Variants in SEZ6L observed in about 807,000 individuals in gnomAD.
SEZ6L encodes seizure related 6 homolog like.
In SEZ6L, 37 loss-of-function variants were observed where a neutral mutation model predicts 106.2. That is an observed-to-expected ratio of 0.35 (90% CI 0.27 to 0.46). The LOEUF (loss-of-function observed/expected upper bound fraction) is 0.46. Among genes scored for constraint, SEZ6L ranks in the 20% least tolerant of loss-of-function variants. The probability of loss-of-function intolerance (pLI) is 1.00; values close to 1 mark genes in which losing one functional copy is unlikely to be tolerated. For missense variants in SEZ6L, 1,172 were observed against 1,332.8 expected, an observed-to-expected ratio of 0.88 and a Z score of 1.88; for synonymous variants, 541 against 570.4, an observed-to-expected ratio of 0.95 and a Z score of 0.73.
In SEZ6L at chr22:26,365,480, A is replaced by G. The variant is rs1453739404; in HGVS notation, c.2708A>G (p.Glu903Gly). 6.2e-7 allele frequency: 1 copy of G among 1,614,066 alleles called. No homozygotes were observed. Among genetic ancestry groups the G allele is most frequent in the African/African-American group, 1.3e-5 (1 of 74,926 alleles). Residue 903 changes from glutamate to glycine, a missense_variant, in exon 13 of 17, where the codon GAA becomes GGA. Transcript: ENST00000248933. ...GAGTCCCTCACCTTCATGTGCTACGAAGGCTTTGAGCTCATGGGTGAAGTG... is the reference window on the plus strand; with the variant it reads ...GAGTCCCTCACCTTCATGTGCTACGGAGGCTTTGAGCTCATGGGTGAAGTG... ...PGESLTFMCY[E>G]GFELMGEVTI...
rs1489628962 is a variant in SEZ6L at position 26,230,366 on chromosome 22, A to G, written c.94+60603A>G. 7.2e-5 allele frequency among the ~76,000 whole-genome samples: 11 copies of G among 152,016 alleles called. No homozygotes were observed. In the South Asian group the frequency reaches 1.5e-3, roughly 20 times the overall value. On this transcript the variant is annotated intron_variant, in intron 1 of 16. Coordinates refer to ENST00000248933, the MANE Select transcript of SEZ6L (RefSeq NM_021115.5). The stretch of plus-strand genomic sequence containing the variant: ...TTTCTCCTCCATGCAGCCTGCCTTG[A>G]CTGCACTGTCTCTCTCGTGCTTTGG...
intron 14 of SEZ6L, among the ~76,000 whole-genome samples, chr22:26,374,815 C>T (rs1021434841): frequency 7.2e-5 from 11 of 152,188 alleles, no homozygotes; most frequent in East Asian, 3.8e-4. Context: ...CTGCCCCAGG[C>T]GCCTGCAGCA....
At chr22:26,234,654 C>A (rs530039187) in intron 1 of SEZ6L, among the ~76,000 whole-genome samples, 9 of 152,368 alleles carry the variant, frequency 5.9e-5, no homozygotes, top group African/African-American at 2.2e-4. Flanking sequence ...GGAAACCCAA[C>A]TGCTGGCTTG....
chr22:26,341,754 A>G (rs553746051), intron 10 of SEZ6L, among the ~76,000 whole-genome samples: 4 of 152,294 alleles, frequency 2.6e-5, no homozygotes, highest in African/African-American at 9.6e-5. Flanking sequence ...CTGGTTTCTC[A>G]GGCTGCTTCC....
At position 26,293,108 on chromosome 22, in the gene SEZ6L, T is replaced by A. The variant is rs368299217; in HGVS notation, c.797T>A (p.Ile266Asn). ...EESQETTTSTIITTTVITTEQ... is the reference protein window; with the variant it reads ...EESQETTTSTNITTTVITTEQ... ...AGCCAGGAGACCACTACCTCCACCA[T>A]TATCACCACCACGGTCATCACCACC... The change falls in exon 2 of 17, where the codon ATT becomes AAT. Residue 266 changes from isoleucine to asparagine, a missense_variant. Physicochemically the swap from Ile to Asn is moderately radical, Grantham distance 149. Coordinates refer to ENST00000248933, the MANE Select transcript of SEZ6L (RefSeq NM_021115.5). The A allele has an allele frequency of 6.3e-7, 1 of 1,596,738 alleles. No homozygotes were observed. The highest frequency in any genetic ancestry group is 8.5e-7 in the Non-Finnish European group (1 of 1,175,674).
At chr22:26,291,441 G>A (rs112955638) in intron 1 of SEZ6L, among the ~76,000 whole-genome samples, 35 of 103,420 alleles carry the variant, frequency 3.4e-4, no homozygotes, top group African/African-American at 1.8e-3. Context: ...GGCCTGTTGC[G>A]GGGTGGAGTT....
intron 1 of SEZ6L, among the ~76,000 whole-genome samples, chr22:26,261,698 A>G (rs9608476): frequency 0.13 from 19,337 of 152,268 alleles, 1,497 homozygotes; most frequent in Non-Finnish European, 0.18. Context: ...CCTACTAAGC[A>G]TAAAGTACAG....
Position 26,292,521 on chromosome 22 carries a change from C to T in SEZ6L, c.210C>T (p.Pro70=). 2 of 1,613,922 alleles carry T rather than the reference C, an allele frequency of 1.2e-6. No individual in the cohort carries two copies. The highest frequency in any genetic ancestry group is 1.7e-6 in the Non-Finnish European group (2 of 1,179,928). The part of the protein sequence containing the change: ...EHPEERVVTA[P]PSSSQSAEVL... ...CTGAAGAGAGAGTGGTAACAGCGCC[C>T]CCCAGTTCCTCACAGTCGGCGGAAG... The change falls in exon 2 of 17, where the codon CCC becomes CCT. Residue 70 remains proline, a synonymous_variant. Transcript: ENST00000248933.
rs555196660 is a variant in SEZ6L, at chr22:26,350,114, G to A, written c.2408-938G>A. On this transcript the variant is annotated intron_variant, in intron 11 of 16. Transcript: ENST00000248933. ...TTTTAAAAAAATCGCAAATAATAATGCAATATGCAACCTTATACATAGGTC... is the reference window on the plus strand; with the variant it reads ...TTTTAAAAAAATCGCAAATAATAATACAATATGCAACCTTATACATAGGTC... 1.5e-3 allele frequency among the ~76,000 whole-genome samples: 234 copies of A among 151,434 alleles called. 1 individual carries two copies. The highest frequency in any genetic ancestry group is 5.4e-3 in the African/African-American group (225 of 41,286).
At chr22:26,302,537 A>C (rs2081488731) in intron 5 of SEZ6L, among the ~76,000 whole-genome samples, 1 of 152,232 alleles carries the variant, frequency 6.6e-6, no homozygotes. Flanking sequence ...CCTGCCCTCC[A>C]GTTATTCATA....
chr22:26,259,084 G>T (rs970513391), intron 1 of SEZ6L, among the ~76,000 whole-genome samples: 1 of 152,200 alleles, frequency 6.6e-6, no homozygotes, highest in Admixed American at 6.5e-5. Context: ...TTTTGTGATT[G>T]ACTGGATACA....
At chr22:26,294,731 CA>C (rs1284907169) in intron 3 of SEZ6L, among the ~76,000 whole-genome samples, 2 of 147,638 alleles carry the variant, frequency 1.4e-5, no homozygotes, top group East Asian at 3.9e-4. Flanking sequence ...AACACACACA[CA>C]CACACACACA....
intron 1 of SEZ6L, among the ~76,000 whole-genome samples, chr22:26,280,253 C>A (rs1422740736): frequency 7.2e-6 from 1 of 139,080 alleles, no homozygotes; most frequent in Admixed American, 7.1e-5. Context: ...CCTATAAATA[C>A]ATACGTACAT....
In SEZ6L at chr22:26,312,067, C is replaced by G. The variant is rs141073270; in HGVS notation, c.1876+105C>G. ...AGAGGCCTGTCCCCAGTTTTCATAC[C>G]AACTTTAGGATTAGAACCCTTTCCA... On this transcript the variant is annotated intron_variant, in intron 8 of 16. Transcript: ENST00000248933. 1.1e-4 allele frequency: 131 copies of G among 1,140,524 alleles called. No homozygotes were observed. In the African/African-American group the frequency reaches 1.7e-3, roughly 15 times the overall value. 70.7% of individuals were successfully genotyped at this position (1,140,524 alleles called of 1,614,324 possible).
chr22:26,248,790 G>A (rs1384895060), intron 1 of SEZ6L, among the ~76,000 whole-genome samples: 1 of 152,236 alleles, frequency 6.6e-6, no homozygotes, highest in Non-Finnish European at 1.5e-5. Context: ...TCCTTGGAAA[G>A]GACTCTGGTT....
At chr22:26,279,215 G>C (rs1474025018) in intron 1 of SEZ6L, among the ~76,000 whole-genome samples, 1 of 152,206 alleles carries the variant, frequency 6.6e-6, no homozygotes, top group Non-Finnish European at 1.5e-5. Flanking sequence ...GAACCTAAGG[G>C]ATGACCATTG....
rs912916779 is a variant in SEZ6L, at chr22:26,219,385, G to GT, written c.94+49629dup. Among the ~76,000 whole-genome samples the GT allele has an allele frequency of 1.4e-4, 21 of 145,944 alleles. 1 individual carries two copies. The highest frequency in any genetic ancestry group is 6.9e-3 in the Middle Eastern group (2 of 288). Reference sequence around the variant, plus strand: ...TCTTGCCTTTTTATTTTTTTTGTTTGTTTTTTTACAAAATCTGTTTTATAT... The same window carrying GT: ...TCTTGCCTTTTTATTTTTTTTGTTTGTTTTTTTTACAAAATCTGTTTTATAT... On this transcript the variant is annotated intron_variant, in intron 1 of 16. Coordinates refer to ENST00000248933, the MANE Select transcript of SEZ6L (RefSeq NM_021115.5).
At chr22:26,311,098 T>A (rs1358096545) in intron 7 of SEZ6L, among the ~76,000 whole-genome samples, 1 of 152,208 alleles carries the variant, frequency 6.6e-6, no homozygotes, top group Non-Finnish European at 1.5e-5. Context: ...TTGATCCTCA[T>A]CACACTGAAA....
At chr22:26,218,960 A>G (rs1455441734) in intron 1 of SEZ6L, among the ~76,000 whole-genome samples, 1 of 152,106 alleles carries the variant, frequency 6.6e-6, no homozygotes, top group East Asian at 1.9e-4. Context: ...AAGAAAAGAA[A>G]CGAAAAGAAA....
Sources: gnomAD v4.1 joint callset for allele counts (sites outside exome capture counted in the v4.1 genomes callset) on GRCh38, gnomAD v4.1.1 for gene constraint, MANE v1.5 for transcripts, NCBI Gene and HGNC (gene_info 2026-07-23, HGNC 2026-07-21) for gene names.